NCAPH: variants seen among roughly 807,000 people sequenced by gnomAD.
The protein encoded by NCAPH is condensin complex subunit 2.
A neutral mutation model predicts 85.5 loss-of-function variants in NCAPH; 38 were observed. The ratio of observed to expected loss-of-function variants is 0.44; its 90% CI spans 0.34 to 0.58. NCAPH has a LOEUF of 0.58. Ranked by LOEUF, NCAPH falls within the 20% of genes least tolerant of loss-of-function variation. NCAPH has a pLI of 0.01. For synonymous variants in NCAPH, 301 were observed against 335.1 expected (o/e 0.90, Z 1.11); for missense variants, 789 against 916.6 (o/e 0.86, Z 1.80).
Position 96,335,823 on chromosome 2 carries a change from A to C in NCAPH, c.-7A>C, listed in dbSNP as rs1452168241. On this transcript the variant is annotated 5_prime_UTR_variant, in exon 1 of 18. Transcript: ENST00000240423. ...TTTAAAACCAGCTCAGGAGACGCCA[A>C]GGAAAGATGGGACCTCCCGGCCCAG... 1 of 1,497,140 alleles carries C rather than the reference A, an allele frequency of 6.7e-7. No homozygotes were observed. The highest frequency in any genetic ancestry group is 2.5e-5 in the Admixed American group (1 of 40,674). The allele number at this position is 1,497,140 out of a possible 1,614,324, so 92.7% of individuals were successfully genotyped here. A position where few individuals can be genotyped will look rare whatever the true frequency, so the allele number is the denominator to read the frequency against.
At chr2:96,338,363 T>G (rs1483844429) in intron 1 of NCAPH, among the ~76,000 whole-genome samples, 3 of 152,056 alleles carry the variant, frequency 2.0e-5, no homozygotes, top group African/African-American at 7.2e-5. Context: ...GAGGATGGGC[T>G]TTCTGTGCTC....
intron 9 of NCAPH, 55 bp from the exon 10 acceptor site, chr2:96,358,990 G>C: frequency 2.6e-6 from 4 of 1,549,416 alleles, no homozygotes; most frequent in Non-Finnish European, 3.5e-6. Context: ...TGCTTCATAT[G>C]TAAATACAGC....
intron 9 of NCAPH, among the ~76,000 whole-genome samples, chr2:96,358,538 G>A (rs375592999): frequency 6.6e-6 from 1 of 151,940 alleles, no homozygotes; most frequent in Non-Finnish European, 1.5e-5. Context: ...GCGCGATCTC[G>A]GCTCACTGCA....
intron 16 of NCAPH, 72 bp from the exon 17 acceptor site, chr2:96,369,351 TTA>T: frequency 8.1e-7 from 1 of 1,233,402 alleles, no homozygotes; most frequent in Non-Finnish European, 1.2e-6. Flanking sequence ...CATGTGTGTA[TTA>T]TTCATACTTG....
Position 96,368,972 on chromosome 2 carries a change from G to A in NCAPH, c.1999G>A (p.Ala667Thr). 6.4e-7 allele frequency: 1 copy of A among 1,552,056 alleles called. No individual in the cohort carries two copies. The highest frequency in any genetic ancestry group is 2.0e-5 in the Admixed American group (1 of 51,028). Reference sequence around the variant, plus strand: ...CGATGTATAAATGTGCTTCTGTTAGGCAAACCACAGGGAAGCTGGAAAAGA... The same window carrying A: ...CGATGTATAAATGTGCTTCTGTTAGACAAACCACAGGGAAGCTGGAAAAGA... ...ALSGKEADAE[A>T]NHREAGKEAA... The change falls in exon 16 of 18, where the codon GCA becomes ACA. Residue 667 changes from alanine (A) to threonine (T), a missense_variant and splice_region_variant. By Grantham distance (58) the Ala-to-Thr change is moderately conservative. Transcript: ENST00000240423.
chr2:96,339,931 T>C (rs1404200417), intron 1 of NCAPH, among the ~76,000 whole-genome samples: 2 of 152,158 alleles, frequency 1.3e-5, no homozygotes, highest in East Asian at 3.8e-4. Context: ...TACTTATTTA[T>C]TTATTTTTTG....
At chr2:96,343,031 C>G in intron 4 of NCAPH, 135 bp from the exon 5 acceptor site, 1 of 1,250,146 alleles carries the variant, frequency 8.0e-7, no homozygotes, top group African/African-American at 1.5e-5. Context: ...CTGTTTATTC[C>G]CTATCAGTCA....
At chr2:96,364,164 G>T (rs888160340) in intron 12 of NCAPH, among the ~76,000 whole-genome samples, 2 of 152,206 alleles carry the variant, frequency 1.3e-5, no homozygotes, top group Non-Finnish European at 2.9e-5. Flanking sequence ...AAGCTGGAGG[G>T]TAGATTTTCC....
At chr2:96,371,196 G>A (rs966199322) in intron 17 of NCAPH, among the ~76,000 whole-genome samples, 1 of 152,124 alleles carries the variant, frequency 6.6e-6, no homozygotes, top group Non-Finnish European at 1.5e-5. Flanking sequence ...GAGAAGTGTC[G>A]GGGGAGGCCT....
At chr2:96,353,634 A>C (rs1213516617) in intron 8 of NCAPH, among the ~76,000 whole-genome samples, 2 of 152,198 alleles carry the variant, frequency 1.3e-5, no homozygotes, top group East Asian at 3.8e-4. Flanking sequence ...CTCTTCTGCT[A>C]TCCTAGGGTA....
rs767181198 is a variant in NCAPH, at chr2:96,364,532, A to G, written c.1639A>G (p.Ile547Val). ...HRVETEHYEE[I>V]EDYDYNNPND... The stretch of plus-strand genomic sequence containing the variant: ...GGTAGAGACTGAGCATTATGAAGAA[A>G]TTGAAGACTATGATTACAACAACCC... The change falls in exon 13 of 18, where the codon ATT (isoleucine) becomes GTT (valine). Residue 547 changes from isoleucine to valine, a missense_variant. Transcript: ENST00000240423. 1 of 1,613,886 alleles carries G rather than the reference A, an allele frequency of 6.2e-7. No individual in the cohort carries two copies. The highest frequency in any genetic ancestry group is 8.5e-7 in the Non-Finnish European group (1 of 1,179,756).
rs766509713 is a variant in NCAPH at position 96,369,045 on chromosome 2, C to T, written c.2072C>T (p.Thr691Met). 2.5e-5 allele frequency: 39 copies of T among 1,555,378 alleles called. No homozygotes were observed. The highest frequency in any genetic ancestry group is 7.8e-5 in the Admixed American group (4 of 51,238). The change falls in exon 16 of 18, where the codon ACG becomes ATG. Residue 691 changes from threonine to methionine, a missense_variant. Physicochemically the swap from Thr to Met is moderately conservative, Grantham distance 81. Coordinates refer to ENST00000240423, the MANE Select transcript of NCAPH (RefSeq NM_015341.5). ...GACGAGAAGATGCTTAGCGGGCTCA[C>T]GAAGGACCTGCAGAGGAGGTGCGGG... Reference protein sequence around the residue: ...VADEKMLSGLTKDLQRSLPPV... With the variant: ...VADEKMLSGLMKDLQRSLPPV...
chr2:96,356,337 G>A (rs942827789), intron 9 of NCAPH, among the ~76,000 whole-genome samples: 2 of 152,142 alleles, frequency 1.3e-5, no homozygotes, highest in African/African-American at 4.8e-5. Flanking sequence ...GCCCTGAGAT[G>A]TGGGGCAATG....
chr2:96,340,076 C>T (rs1218979803), intron 1 of NCAPH, among the ~76,000 whole-genome samples: 1 of 151,964 alleles, frequency 6.6e-6, no homozygotes, highest in Non-Finnish European at 1.5e-5. Flanking sequence ...GCGCCCACCA[C>T]CACGTTCAGC....
In NCAPH at chr2:96,341,637, TC is replaced by T. The variant is rs757408775; in HGVS notation, c.20-3del. On this transcript the variant is annotated splice_polypyrimidine_tract_variant and splice_region_variant and intron_variant, in intron 1 of 17. Transcript: ENST00000240423. ...AAGGTTTCTTGAGCAAGAATTTTGT[TC>T]CAGCACTGCCAGCCACAATGAATAA... 3.4e-4 allele frequency: 548 copies of T among 1,607,986 alleles called. 1 individual carries two copies. The highest frequency in any genetic ancestry group is 2.9e-3 in the East Asian group (129 of 44,752).
chr2:96,338,530 A>G (rs1316571416), intron 1 of NCAPH, among the ~76,000 whole-genome samples: 3 of 152,212 alleles, frequency 2.0e-5, no homozygotes, highest in Non-Finnish European at 4.4e-5. Flanking sequence ...GACTTTGCTC[A>G]TGTGATTAAG....
In NCAPH at chr2:96,354,164, C is replaced by A; in HGVS notation, c.1003-19C>A. Reference sequence around the variant, plus strand: ...GGTTATAGGAATGAGAATTACAGAACCCTCTTTTGTCCCTCCAGTCTGTGT... The same window carrying A: ...GGTTATAGGAATGAGAATTACAGAAACCTCTTTTGTCCCTCCAGTCTGTGT... On this transcript the variant is annotated intron_variant, in intron 8 of 17. Transcript: ENST00000240423. 6.2e-7 allele frequency: 1 copy of A among 1,608,332 alleles called. No individual in the cohort carries two copies. Among genetic ancestry groups the A allele is most frequent in the Non-Finnish European group, 8.5e-7 (1 of 1,176,348 alleles).
intron 15 of NCAPH, among the ~76,000 whole-genome samples, chr2:96,367,828 T>A (rs1353599373): frequency 6.6e-6 from 1 of 152,200 alleles, no homozygotes; most frequent in Non-Finnish European, 1.5e-5. Context: ...TGATGCTACT[T>A]TAAAACAGCA....
chr2:96,369,170 G>A, intron 16 of NCAPH, 107 bp downstream of exon 16: 2 of 1,171,242 alleles, frequency 1.7e-6, no homozygotes, highest in South Asian at 3.0e-5. Context: ...TATAGTGGCT[G>A]TTCTGTTTTC....
Sources: gnomAD v4.1 joint callset for allele counts (sites outside exome capture counted in the v4.1 genomes callset) on GRCh38, gnomAD v4.1.1 for gene constraint, MANE v1.5 for transcripts, NCBI Gene and HGNC (gene_info 2026-07-23, HGNC 2026-07-21) for gene names.